Variants in ANK3 observed in about 807,000 individuals in gnomAD.
ANK3 encodes the protein ankyrin 3, also known as ankyrin-3.
ANK3 carries 57 observed loss-of-function variants against 370.9 expected under a neutral mutation model. The observed-to-expected ratio is 0.15, with a 90% CI of 0.12 to 0.19. ANK3 has a LOEUF of 0.19. Among genes scored for constraint, ANK3 ranks in the 10% least tolerant of loss-of-function variants. The probability of loss-of-function intolerance (pLI) is 1.00; values close to 1 mark genes in which losing one functional copy is unlikely to be tolerated. For synonymous variants in ANK3, 1,929 were observed against 1,946.3 expected (o/e 0.99, Z 0.23); for missense variants, 4,439 against 5,302.1 (o/e 0.84, Z 5.06).
intron 5 of ANK3, 79 bp downstream of exon 5, chr10:60,270,052 G>A: frequency 1.2e-6 from 1 of 849,618 alleles, no homozygotes; most frequent in Non-Finnish European, 1.8e-6. Flanking sequence ...AATACTAGTA[G>A]GACAAATTCA....
upstream of ANK3, among the ~76,000 whole-genome samples, chr10:60,390,366 G>T (rs1034803487): frequency 1.3e-5 from 2 of 152,124 alleles, no homozygotes; most frequent in African/African-American, 4.8e-5. Context: ...ATTCATAGGA[G>T]GTTCCCCAGG....
At chr10:60,254,407 GC>G (rs1363817863) in intron 7 of ANK3, among the ~76,000 whole-genome samples, 1 of 152,118 alleles carries the variant, frequency 6.6e-6, no homozygotes, top group East Asian at 1.9e-4. Context: ...TCAGGAGTTT[GC>G]CACACTCTTA....
At chr10:60,614,473 G>T (rs1451734559) in intron 2 of ANK3, among the ~76,000 whole-genome samples, 1 of 152,162 alleles carries the variant, frequency 6.6e-6, no homozygotes, top group Non-Finnish European at 1.5e-5. Flanking sequence ...AATGCAGTCT[G>T]TCCTAACCCT....
At chr10:60,089,658 A>G (rs2087707082) in intron 28 of ANK3, among the ~76,000 whole-genome samples, 1 of 152,168 alleles carries the variant, frequency 6.6e-6, no homozygotes, top group South Asian at 2.1e-4. Flanking sequence ...TTTATCTTAT[A>G]TGATATTAAG....
At chr10:60,499,236 A>T (rs575945120) in intron 2 of ANK3, among the ~76,000 whole-genome samples, 1 of 152,308 alleles carries the variant, frequency 6.6e-6, no homozygotes, top group Admixed American at 6.5e-5. Context: ...GAATAATGCC[A>T]TACACTTCAC....
At chr10:60,140,939 AT>A (rs1262847515) in intron 23 of ANK3, 7 of 985,624 alleles carry the variant, frequency 7.1e-6, no homozygotes, top group Non-Finnish European at 8.4e-6. Context: ...GAGGAAAAAC[AT>A]TAGAAGAAAA....
At position 60,732,926 on chromosome 10, in the gene ANK3, T is replaced by C. The variant is rs558285920; in HGVS notation, c.57+337A>G. ...ACGAGAGACCGAGGTGAGGGCGTCC[T>C]GAGCCCGGGGCCCGCTTTTCTTTTT... On this transcript the variant is annotated intron_variant, in intron 1 of 43. Transcript: ENST00000373827. 3.2e-4 allele frequency among the ~76,000 whole-genome samples: 49 copies of C among 151,996 alleles called. No individual in the cohort carries two copies. In the South Asian group the frequency reaches 9.5e-3, roughly 30 times the overall value.
chr10:60,173,302 T>A, intron 18 of ANK3, 116 bp from the exon 19 acceptor site: 1 of 804,766 alleles, frequency 1.2e-6, no homozygotes, highest in South Asian at 2.2e-5. Flanking sequence ...CAAAAGTAGG[T>A]TTTTTTCTTC....
intron 1 of ANK3, among the ~76,000 whole-genome samples, chr10:60,623,967 C>T (rs565094490): frequency 2.0e-4 from 30 of 152,218 alleles, no homozygotes; most frequent in African/African-American, 7.0e-4. Context: ...AGTCACATAA[C>T]TCTGTATGTT....
chr10:60,140,251 C>T (rs2094503924), intron 23 of ANK3: 1 of 1,267,418 alleles, frequency 7.9e-7, no homozygotes, highest in South Asian at 1.2e-5. Flanking sequence ...TACCCAGTAC[C>T]AAGAGATTAT....
intron 2 of ANK3, among the ~76,000 whole-genome samples, chr10:60,513,527 G>T (rs767129522): frequency 5.9e-5 from 9 of 151,990 alleles, no homozygotes; most frequent in Non-Finnish European, 1.0e-4. Context: ...TTAATATAAG[G>T]GAAGTTTGGT....
intron 2 of ANK3, among the ~76,000 whole-genome samples, chr10:60,514,150 AAT>A (rs2076157431): frequency 1.3e-5 from 2 of 152,144 alleles, no homozygotes. Flanking sequence ...ACATATGCAA[AAT>A]ATGTGTTAGT....
intron 1 of ANK3, among the ~76,000 whole-genome samples, chr10:60,316,141 T>C (rs2047367481): frequency 6.6e-6 from 1 of 152,142 alleles, no homozygotes; most frequent in South Asian, 2.1e-4. Flanking sequence ...TCCATACAAC[T>C]TGGTGAGCTA....
At chr10:60,379,434 C>G (rs967754665) in intron 1 of ANK3, among the ~76,000 whole-genome samples, 2 of 151,814 alleles carry the variant, frequency 1.3e-5, no homozygotes, top group African/African-American at 4.8e-5. Context: ...TTTTGCAGCA[C>G]GATTCACAAT....
chr10:60,644,303 A>C (rs1002303394), intron 1 of ANK3, among the ~76,000 whole-genome samples: 6 of 152,196 alleles, frequency 3.9e-5, no homozygotes, highest in Non-Finnish European at 7.3e-5. Flanking sequence ...TATACAAGGT[A>C]GATTCCACTA....
chr10:60,698,095 A>G (rs1304618036), intron 1 of ANK3, among the ~76,000 whole-genome samples: 8 of 152,324 alleles, frequency 5.3e-5, no homozygotes, highest in Admixed American at 5.2e-4. Flanking sequence ...GGCGAAGGAC[A>G]TGAACAGACA....
intron 1 of ANK3, among the ~76,000 whole-genome samples, chr10:60,630,237 G>GA (rs1370851649): frequency 6.6e-6 from 1 of 151,928 alleles, no homozygotes; most frequent in Non-Finnish European, 1.5e-5. Flanking sequence ...AGCACTCTGT[G>GA]AAAAAAATTA....
At chr10:60,471,127 T>C (rs1435902964) in intron 2 of ANK3, among the ~76,000 whole-genome samples, 1 of 152,154 alleles carries the variant, frequency 6.6e-6, no homozygotes, top group Admixed American at 6.6e-5. Flanking sequence ...ACCATACAGA[T>C]AATTTACACT....
chr10:60,055,115 TCTAA>T (rs942910917), intron 42 of ANK3, among the ~76,000 whole-genome samples: 5 of 152,186 alleles, frequency 3.3e-5, no homozygotes, highest in Non-Finnish European at 7.3e-5. Context: ...ATTTTAAATT[TCTAA>T]CTAACTGCTG....
Sources: allele counts gnomAD v4.1 joint callset (sites outside exome capture counted in the v4.1 genomes callset), GRCh38; gene constraint gnomAD v4.1.1; transcripts MANE v1.5; gene names NCBI Gene and HGNC (gene_info 2026-07-23, HGNC 2026-07-21).